ARPP21: variants seen among roughly 807,000 people sequenced by gnomAD.
The protein encoded by ARPP21 is cAMP regulated phosphoprotein 21, also known as cAMP-regulated phosphoprotein 21.
Under a neutral mutation model 113.2 loss-of-function variants are expected in ARPP21, and 69 were observed. The ratio of observed to expected loss-of-function variants is 0.61; its 90% CI spans 0.50 to 0.74. The LOEUF (loss-of-function observed/expected upper bound fraction) is 0.74. ARPP21 is among the 30% of genes least tolerant of loss of function. ARPP21 has a pLI of 0.00. For missense variants in ARPP21, 1,070 were observed against 1,037.4 expected, an observed-to-expected ratio of 1.03 and a Z score of -0.43; for synonymous variants, 368 against 375.5, an observed-to-expected ratio of 0.98 and a Z score of 0.23.
intron 1 of ARPP21, among the ~76,000 whole-genome samples, chr3:35,669,548 G>A (rs1416893396): frequency 2.6e-5 from 4 of 152,110 alleles, no homozygotes; most frequent in South Asian, 4.1e-4. Flanking sequence ...TTATGTTTCC[G>A]TTCTTTTGTG....
chr3:35,640,840 A>G (rs189632416), intron 1 of ARPP21: 2 of 152,346 alleles, frequency 1.3e-5, no homozygotes, highest in Admixed American at 1.3e-4. Flanking sequence ...CATGCATGAA[A>G]TCTGTGCTTC....
chr3:35,716,897 A>G (rs2150201667), intron 12 of ARPP21, among the ~76,000 whole-genome samples: 1 of 152,190 alleles, frequency 6.6e-6, no homozygotes, highest in African/African-American at 2.4e-5. Flanking sequence ...GTGACTTACC[A>G]CCAAAAATAA....
At chr3:35,731,453 G>A (rs1483746989) in intron 15 of ARPP21, among the ~76,000 whole-genome samples, 1 of 152,058 alleles carries the variant, frequency 6.6e-6, no homozygotes, top group Non-Finnish European at 1.5e-5. Flanking sequence ...TCTGACAAAT[G>A]CTAAATTTAA....
intron 1 of ARPP21, among the ~76,000 whole-genome samples, chr3:35,663,469 T>A (rs1708741394): frequency 6.6e-6 from 1 of 152,222 alleles, no homozygotes; most frequent in Non-Finnish European, 1.5e-5. Context: ...ATTTTTTAAA[T>A]GTGCACAAAA....
At chr3:35,739,214 C>T in intron 17 of ARPP21, 103 bp from the exon 18 acceptor site, 2 of 1,348,634 alleles carry the variant, frequency 1.5e-6, no homozygotes, top group Non-Finnish European at 2.0e-6. Flanking sequence ...TACTTCCTGT[C>T]TCTCCCACAA....
At chr3:35,789,628 T>A (rs1559972367) in intron 19 of ARPP21, among the ~76,000 whole-genome samples, 1 of 152,246 alleles carries the variant, frequency 6.6e-6, no homozygotes, top group East Asian at 1.9e-4. Flanking sequence ...TAACTGAATA[T>A]TAAAGTTCAC....
chr3:35,729,502 C>T lies in ARPP21; in HGVS notation c.1425C>T (p.Ile475=), dbSNP rs377482287. 6.2e-7 allele frequency: 1 copy of T among 1,614,190 alleles called. No individual in the cohort carries two copies. Among genetic ancestry groups the T allele is most frequent in the Non-Finnish European group, 8.5e-7 (1 of 1,180,032 alleles). The part of the protein sequence containing the change: ...ILLPLEAATG[I]PPGSILLNPH... ...TTCCACTTGAAGCTGCAACAGGCAT[C>T]CCGCCTGGAAGCATCCTTCTTAATC... Residue 475 remains isoleucine (I), a synonymous_variant, in exon 15 of 21, where the codon ATC becomes ATT. Transcript: ENST00000684406.
intron 9 of ARPP21, among the ~76,000 whole-genome samples, chr3:35,695,600 G>T (rs527705678): frequency 6.6e-6 from 1 of 151,606 alleles, no homozygotes; most frequent in East Asian, 2.0e-4. Context: ...ACATCCAGCA[G>T]AATGTATGTA....
rs149095047 is a variant in ARPP21 at position 35,656,793 on chromosome 3, A to G, written c.-213+16395A>G. ...TTAATAAAACCATACAGCCCCTAAAAAAGTCAAATTTACTGTATAATAGTT... is the reference window on the plus strand; with the variant it reads ...TTAATAAAACCATACAGCCCCTAAAGAAGTCAAATTTACTGTATAATAGTT... On this transcript the variant is annotated intron_variant, in intron 1 of 20. Transcript: ENST00000684406. 3.4e-4 allele frequency among the ~76,000 whole-genome samples: 51 copies of G among 152,180 alleles called. 1 individual carries two copies. In the East Asian group the frequency reaches 9.9e-3, roughly 29 times the overall value.
At position 35,647,861 on chromosome 3, in the gene ARPP21, T is replaced by C. The variant is rs573860272; in HGVS notation, c.-213+7463T>C. On this transcript the variant is annotated intron_variant, in intron 1 of 20. Transcript: ENST00000684406. ...ATTCCTCATTGCTTCAACTTTCTCA[T>C]TTATGAGGTGGGAATAAGACCTACC... 9.2e-5 allele frequency among the ~76,000 whole-genome samples: 14 copies of C among 152,276 alleles called. 1 individual carries two copies. In the South Asian group the frequency reaches 1.9e-3, roughly 20 times the overall value.
intron 5 of ARPP21, chr3:35,684,599 C>A (rs1419244387): frequency 2.0e-6 from 2 of 985,174 alleles, no homozygotes; most frequent in African/African-American, 3.5e-5. Context: ...GCAGTCAAGA[C>A]AAAAGTAAAA....
At chr3:35,676,010 T>A (rs1428365879) in intron 1 of ARPP21, among the ~76,000 whole-genome samples, 1 of 151,932 alleles carries the variant, frequency 6.6e-6, no homozygotes, top group Non-Finnish European at 1.5e-5. Flanking sequence ...GGTGTGTATA[T>A]TAATTTGCTT....
chr3:35,784,464 A>G (rs1001363972), intron 19 of ARPP21, among the ~76,000 whole-genome samples: 1 of 152,226 alleles, frequency 6.6e-6, no homozygotes, highest in African/African-American at 2.4e-5. Flanking sequence ...ACTGATATTC[A>G]TGATTACAGT....
intron 15 of ARPP21, among the ~76,000 whole-genome samples, chr3:35,730,597 G>A (rs2093891969): frequency 1.3e-5 from 2 of 152,174 alleles, no homozygotes; most frequent in Admixed American, 6.5e-5. Context: ...GGCAATAAAT[G>A]GAGTTGTCTT....
chr3:35,729,509 G>A lies in ARPP21; in HGVS notation c.1432G>A (p.Gly478Arg), dbSNP rs1043544756. Reference protein sequence around the residue: ...PLEAATGIPPGSILLNPHTGQ... With the variant: ...PLEAATGIPPRSILLNPHTGQ... ...TGAAGCTGCAACAGGCATCCCGCCT[G>A]GAAGCATCCTTCTTAATCCACACAC... The change falls in exon 15 of 21, where the codon GGA (glycine) becomes AGA (arginine). Residue 478 changes from glycine to arginine, a missense_variant. By Grantham distance (125) the Gly-to-Arg change is moderately radical (BLOSUM62 -2). Transcript: ENST00000684406. 3 of 1,614,160 alleles carry A rather than the reference G, an allele frequency of 1.9e-6. No individual in the cohort carries two copies. In the South Asian group the frequency reaches 3.3e-5, roughly 18 times the overall value.
intron 20 of ARPP21, 85 bp from the exon 21 acceptor site, chr3:35,793,616 G>T (rs1399949048): frequency 2.2e-6 from 2 of 928,748 alleles, no homozygotes; most frequent in Non-Finnish European, 3.5e-6. Context: ...TCAAAAGTTT[G>T]AATATTTTTC....
chr3:35,733,302 A>C (rs1214167534), intron 15 of ARPP21, among the ~76,000 whole-genome samples: 1 of 151,820 alleles, frequency 6.6e-6, no homozygotes, highest in Non-Finnish European at 1.5e-5. Context: ...CCCATTATGC[A>C]TGTTGATGTG....
chr3:35,676,052 G>A (rs1386802019), intron 1 of ARPP21, among the ~76,000 whole-genome samples: 2 of 151,996 alleles, frequency 1.3e-5, no homozygotes, highest in South Asian at 2.1e-4. Flanking sequence ...AAGAAAAAAA[G>A]ATTTTGAAAT....
chr3:35,772,317 CA>C (rs1357277891), intron 19 of ARPP21, among the ~76,000 whole-genome samples: 1 of 152,158 alleles, frequency 6.6e-6, no homozygotes, highest in Non-Finnish European at 1.5e-5. Context: ...CCTAATAAAA[CA>C]GTTCTGTTTG....
Sources: allele counts gnomAD v4.1 joint callset (sites outside exome capture counted in the v4.1 genomes callset), GRCh38; gene constraint gnomAD v4.1.1; transcripts MANE v1.5; gene names NCBI Gene and HGNC (gene_info 2026-07-23, HGNC 2026-07-21).